Variants in DLGAP1 observed in about 807,000 individuals in gnomAD.
The protein encoded by DLGAP1 is DLG associated protein 1.
Under a neutral mutation model 90.8 loss-of-function variants are expected in DLGAP1, and 11 were observed. The observed-to-expected ratio is 0.12, with a 90% CI of 0.08 to 0.20. The LOEUF (loss-of-function observed/expected upper bound fraction) is 0.20, where lower values mean the gene tolerates loss of function less well. Ranked by LOEUF, DLGAP1 falls within the 10% of genes least tolerant of loss-of-function variation. DLGAP1 has a pLI of 1.00. For missense variants in DLGAP1, 1,050 were observed against 1,333.8 expected (o/e 0.79, Z 3.31); for synonymous variants, 558 against 540.7 (o/e 1.03, Z -0.44).
In DLGAP1 at chr18:3,879,542, G is replaced by A. The variant is rs763104989; in HGVS notation, c.527C>T (p.Ala176Val). The A allele has an allele frequency of 2.5e-6, 4 of 1,599,238 alleles. No homozygotes were observed. The highest frequency in any genetic ancestry group is 1.3e-5 in the African/African-American group (1 of 74,946). The stretch of plus-strand genomic sequence containing the variant: ...GCTCTTGCTGCGTTTGCCATAGCGC[G>A]CCGCCTGCGCCTCGTCAGGGCTGGC... ...GKASPDEAQA[A>V]RYGKRSKSKE... Residue 176 changes from alanine to valine, a missense_variant, in exon 4 of 13, where the codon GCG (alanine) becomes GTG (valine). Physicochemically the swap from Ala to Val is moderately conservative, Grantham distance 64. Around this residue, in one of 2 missense-constraint regions of DLGAP1, gnomAD observed 485 missense variants for 454.1 expected, o/e 1.07. Coordinates refer to ENST00000315677, the MANE Select transcript of DLGAP1 (RefSeq NM_004746.4). This position sits in a 1 kb window ranked among gnomAD's most constrained non-coding sequence, Gnocchi z 6.6.
chr18:4,012,850 C>G (rs1156927266), intron 2 of DLGAP1, among the ~76,000 whole-genome samples: 2 of 151,946 alleles, frequency 1.3e-5, no homozygotes, highest in African/African-American at 4.8e-5. Context: ...AGGCATGCGC[C>G]ACCATGGCCA....
intron 7 of DLGAP1, among the ~76,000 whole-genome samples, chr18:3,691,259 G>T (rs932046371): frequency 6.6e-6 from 1 of 152,066 alleles, no homozygotes; most frequent in Non-Finnish European, 1.5e-5. Context: ...GACCAGCCTG[G>T]CCAACACAGT....
chr18:3,600,324 C>T (rs2056825555), intron 7 of DLGAP1, among the ~76,000 whole-genome samples: 1 of 152,002 alleles, frequency 6.6e-6, no homozygotes, highest in African/African-American at 2.4e-5. Flanking sequence ...CGCACGATCT[C>T]GGCTCACTGC....
chr18:4,328,230 C>T (rs1012650375), intron 1 of DLGAP1, among the ~76,000 whole-genome samples: 1 of 151,944 alleles, frequency 6.6e-6, no homozygotes, highest in Non-Finnish European at 1.5e-5. Context: ...TTTCCTCGCT[C>T]TCTCTCTTTA....
intron 1 of DLGAP1, among the ~76,000 whole-genome samples, chr18:4,436,747 C>T (rs932226333): frequency 1.3e-5 from 2 of 152,160 alleles, no homozygotes; most frequent in Non-Finnish European, 2.9e-5. Context: ...TAAGTTCCTT[C>T]TTGGATTCAG....
intron 5 of DLGAP1, among the ~76,000 whole-genome samples, chr18:3,760,997 C>G (rs913844526): frequency 6.6e-6 from 1 of 152,184 alleles, no homozygotes; most frequent in Non-Finnish European, 1.5e-5. Flanking sequence ...ACAATATCCA[C>G]CTTATGGAAT....
rs182476964 is a variant in DLGAP1 at position 3,911,253 on chromosome 18, T to C, written c.-72-31113A>G. On this transcript the variant is annotated intron_variant, in intron 3 of 12. Transcript: ENST00000315677. ...ACATATTTGATTACTTTTTGCACAGTAGTTGGCTTATCAACTGTAATCAAT... is the reference window on the plus strand; with the variant it reads ...ACATATTTGATTACTTTTTGCACAGCAGTTGGCTTATCAACTGTAATCAAT... 3.9e-5 allele frequency among the ~76,000 whole-genome samples: 6 copies of C among 152,360 alleles called. No homozygotes were observed. In the East Asian group the frequency reaches 1.2e-3, roughly 29 times the overall value.
chr18:3,519,383 C>A (rs572802487), intron 10 of DLGAP1, among the ~76,000 whole-genome samples: 1 of 152,214 alleles, frequency 6.6e-6, no homozygotes, highest in Non-Finnish European at 1.5e-5. Flanking sequence ...TGATCCTTCA[C>A]TGCTGCCCGT....
chr18:3,565,130 T>A lies in DLGAP1; in HGVS notation c.2057+2360A>T, dbSNP rs1450221909. Among the ~76,000 whole-genome samples, 4 of 152,278 alleles carry A rather than the reference T, an allele frequency of 2.6e-5. No homozygotes were observed. Among genetic ancestry groups the A allele is most frequent in the East Asian group, 3.9e-4 (2 of 5,188 alleles). On this transcript the variant is annotated intron_variant, in intron 9 of 12. Coordinates refer to ENST00000315677, the MANE Select transcript of DLGAP1 (RefSeq NM_004746.4). This position sits in a 1 kb window ranked among gnomAD's most constrained non-coding sequence, Gnocchi z 4.0. ...GTTGAGAAAAGGCACCAAGCTGGGC[T>A]GGTGGGAGATGGAGGAATATATTTT...
chr18:4,249,794 C>A (rs1230565156), intron 1 of DLGAP1, among the ~76,000 whole-genome samples: 1 of 152,052 alleles, frequency 6.6e-6, no homozygotes, highest in Non-Finnish European at 1.5e-5. Flanking sequence ...TCACTATGCT[C>A]CCCAGGCTGG....
intron 2 of DLGAP1, among the ~76,000 whole-genome samples, chr18:4,016,585 T>C (rs1031396268): frequency 6.6e-6 from 1 of 152,232 alleles, no homozygotes; most frequent in Non-Finnish European, 1.5e-5. Flanking sequence ...TTCTTCTGAA[T>C]TTCTTAGGCC....
intron 9 of DLGAP1, among the ~76,000 whole-genome samples, chr18:3,544,374 C>T (rs1022412223): frequency 2.0e-5 from 3 of 152,016 alleles, no homozygotes; most frequent in Admixed American, 1.3e-4. Flanking sequence ...GGCGAAAAAG[C>T]GAGACTCCAT....
chr18:4,411,522 T>C (rs1307788939), intron 1 of DLGAP1, among the ~76,000 whole-genome samples: 1 of 152,174 alleles, frequency 6.6e-6, no homozygotes, highest in Non-Finnish European at 1.5e-5. Flanking sequence ...AGCGAGTCAA[T>C]TTCTATTTTC....
chr18:4,290,660 C>T (rs772692004), intron 1 of DLGAP1, among the ~76,000 whole-genome samples: 50 of 152,000 alleles, frequency 3.3e-4, no homozygotes, highest in Admixed American at 2.6e-4. Context: ...TGATTAAAGT[C>T]CAATAACAGT....
At chr18:4,026,786 C>G (rs1421404754) in intron 2 of DLGAP1, among the ~76,000 whole-genome samples, 2 of 152,182 alleles carry the variant, frequency 1.3e-5, no homozygotes, top group Non-Finnish European at 2.9e-5. Flanking sequence ...AAAACCTTTT[C>G]ACAGTCTTTG....
chr18:4,211,143 C>G (rs1490511543), intron 1 of DLGAP1, among the ~76,000 whole-genome samples: 1 of 152,216 alleles, frequency 6.6e-6, no homozygotes, highest in Non-Finnish European at 1.5e-5. Flanking sequence ...CACAATGTAG[C>G]CACCTGGTTT....
intron 2 of DLGAP1, among the ~76,000 whole-genome samples, chr18:4,113,319 G>A (rs1378806574): frequency 6.6e-6 from 1 of 152,080 alleles, no homozygotes; most frequent in Non-Finnish European, 1.5e-5. Flanking sequence ...GTGTGAGATG[G>A]TATCTCATTG....
intron 2 of DLGAP1, among the ~76,000 whole-genome samples, chr18:4,012,592 T>C (rs960735122): frequency 1.3e-5 from 2 of 152,210 alleles, no homozygotes; most frequent in African/African-American, 4.8e-5. Context: ...AAGAGAAAGC[T>C]GGTATTGCTG....
At chr18:3,885,201 C>G (rs2071276541) in intron 3 of DLGAP1, among the ~76,000 whole-genome samples, 1 of 152,180 alleles carries the variant, frequency 6.6e-6, no homozygotes, top group African/African-American at 2.4e-5. Flanking sequence ...CTTTCCAGCA[C>G]ATTTATCTCT....
Sources: allele counts gnomAD v4.1 joint callset (sites outside exome capture counted in the v4.1 genomes callset), GRCh38; gene constraint gnomAD v4.1.1; regional missense constraint gnomAD v4.1.1; non-coding constraint Gnocchi (gnomAD v3.1); transcripts MANE v1.5; gene names NCBI Gene and HGNC (gene_info 2026-07-23, HGNC 2026-07-21).